Variants in ABCC5 observed in about 807,000 individuals in gnomAD.
The protein encoded by ABCC5 is ATP-binding cassette sub-family C member 5.
ABCC5 carries 61 observed loss-of-function variants against 160.9 expected under a neutral mutation model. The observed-to-expected ratio is 0.38, with a 90% confidence interval of 0.31 to 0.47. ABCC5 has a LOEUF of 0.47. ABCC5 is among the 20% of genes least tolerant of loss of function. The probability of loss-of-function intolerance (pLI) is 0.99; values close to 1 mark genes in which losing one functional copy is unlikely to be tolerated. For synonymous variants in ABCC5, 666 were observed against 700.6 expected (o/e 0.95, Z 0.78); for missense variants, 1,308 against 1,813.3 (o/e 0.72, Z 5.06).
chr3:183,991,316 A>C (rs1349483783), intron 2 of ABCC5, among the ~76,000 whole-genome samples: 1 of 151,638 alleles, frequency 6.6e-6, no homozygotes, highest in Admixed American at 6.6e-5. Flanking sequence ...GAAAAAAAAA[A>C]CAAAAAACAA....
At chr3:183,945,093 G>C (rs1026144235) in intron 24 of ABCC5, among the ~76,000 whole-genome samples, 1 of 152,170 alleles carries the variant, frequency 6.6e-6, no homozygotes, top group Non-Finnish European at 1.5e-5. Flanking sequence ...CGCTATGATT[G>C]TAAGTTTCCT....
intron 26 of ABCC5, among the ~76,000 whole-genome samples, chr3:183,935,670 C>T (rs745414092): frequency 5.2e-4 from 79 of 150,636 alleles, no homozygotes; most frequent in South Asian, 1.5e-3. Context: ...GGCCACCACA[C>T]CTGGCTAATT....
At chr3:183,973,049 C>CTTTTTTT (rs11289102) in intron 10 of ABCC5, among the ~76,000 whole-genome samples, 1 of 108,384 alleles carries the variant, frequency 9.2e-6, no homozygotes, top group Non-Finnish European at 1.8e-5. Context: ...TTTGAATCCA[C>CTTTTTTT]TTTTTTTTTT....
chr3:183,974,984 A>C lies in ABCC5; in HGVS notation c.1404+2533T>G, dbSNP rs142202597. Among the ~76,000 whole-genome samples, 13 of 152,344 alleles carry C rather than the reference A, an allele frequency of 8.5e-5. No homozygotes were observed. In the East Asian group the frequency reaches 2.5e-3, roughly 29 times the overall value. On this transcript the variant is annotated intron_variant, in intron 10 of 29. Transcript: ENST00000334444. ...TGATGTAAAACAAGACACAGGGTGA[A>C]AAGCAGGGCTCTGCAACATCGTCAG... is the stretch of plus-strand genomic sequence containing the variant.
At chr3:183,974,652 A>T (rs1004643824) in intron 10 of ABCC5, among the ~76,000 whole-genome samples, 1 of 152,208 alleles carries the variant, frequency 6.6e-6, no homozygotes, top group Non-Finnish European at 1.5e-5. Context: ...ATTTTTCAGT[A>T]TAAGTATATT....
intron 2 of ABCC5, among the ~76,000 whole-genome samples, chr3:184,008,502 T>A (rs1227478848): frequency 1.3e-5 from 2 of 152,218 alleles, no homozygotes; most frequent in Non-Finnish European, 2.9e-5. Flanking sequence ...ACCACTTTAT[T>A]AACACTTCAG....
intron 29 of ABCC5, among the ~76,000 whole-genome samples, chr3:183,923,551 A>G (rs1001273466): frequency 2.6e-5 from 4 of 152,152 alleles, no homozygotes; most frequent in Non-Finnish European, 4.4e-5. Flanking sequence ...TGAACCCCGG[A>G]GGCGAAGGTT....
Position 183,921,140 on chromosome 3 carries a change from A to G in ABCC5, c.*160T>C. 1 of 500,308 alleles carries G rather than the reference A, an allele frequency of 2.0e-6. No individual in the cohort carries two copies. Among genetic ancestry groups the G allele is most frequent in the East Asian group, 3.3e-5 (1 of 30,606 alleles). 31.0% of individuals were successfully genotyped at this position (500,308 alleles called of 1,614,324 possible). A position where few individuals can be genotyped will look rare whatever the true frequency, so the allele number is the denominator to read the frequency against. Reference sequence around the variant, plus strand: ...GAATAAATACAATAATCAAAATATGACTCTCCCTAAAAGTGAAACACACAA... The same window carrying G: ...GAATAAATACAATAATCAAAATATGGCTCTCCCTAAAAGTGAAACACACAA... On this transcript the variant is annotated 3_prime_UTR_variant, in exon 30 of 30. Coordinates refer to ENST00000334444, the MANE Select transcript of ABCC5 (RefSeq NM_005688.4). The surrounding 1 kb of genome is among the most constrained non-coding windows in gnomAD (Gnocchi z 4.1).
At chr3:184,010,177 G>A (rs1721596478) in intron 2 of ABCC5, among the ~76,000 whole-genome samples, 1 of 145,030 alleles carries the variant, frequency 6.9e-6, no homozygotes, top group South Asian at 2.2e-4. Context: ...TGAGGCAGGA[G>A]AATTGCTTGA....
intron 26 of ABCC5, among the ~76,000 whole-genome samples, chr3:183,929,580 T>C (rs985077209): frequency 3.9e-5 from 6 of 152,074 alleles, no homozygotes; most frequent in Non-Finnish European, 7.4e-5. Context: ...GGAAAGAAAC[T>C]GATCCAGTAG....
intron 29 of ABCC5, among the ~76,000 whole-genome samples, chr3:183,922,209 T>A (rs1440959288): frequency 6.6e-6 from 1 of 151,358 alleles, no homozygotes; most frequent in East Asian, 2.0e-4. Flanking sequence ...CTGTCTCTAG[T>A]GAAAATACAA....
intron 26 of ABCC5, among the ~76,000 whole-genome samples, chr3:183,935,147 G>A (rs1713568717): frequency 6.6e-6 from 1 of 151,990 alleles, no homozygotes; most frequent in African/African-American, 2.4e-5. Context: ...CCAAAGTGCT[G>A]GGATTACAGG....
chr3:184,011,151 GC>G (rs1721707425), intron 2 of ABCC5: 1 of 152,142 alleles, frequency 6.6e-6, no homozygotes, highest in Admixed American at 6.6e-5. Context: ...TTCTAGAAAC[GC>G]CTTTCCTCCA....
Position 183,987,178 on chromosome 3 carries a change from A to G in ABCC5, c.591+592T>C, listed in dbSNP as rs1158771753. On this transcript the variant is annotated intron_variant, in intron 5 of 29. Coordinates refer to ENST00000334444, the MANE Select transcript of ABCC5 (RefSeq NM_005688.4). This position sits in a 1 kb window ranked among gnomAD's most constrained non-coding sequence, Gnocchi z 4.2. ...AACAGGTGCCCAGGAAACAGAGTGA[A>G]CGTCAAAGGCTCTCTTGTCTACTCT... The G allele has an allele frequency of 6.2e-6, 1 of 162,116 alleles. No individual in the cohort carries two copies. The highest frequency in any genetic ancestry group is 5.8e-5 in the Admixed American group (1 of 17,352). The allele number at this position is 162,116 out of a possible 1,614,324, so 10.0% of individuals were successfully genotyped here.
At chr3:183,971,234 C>T (rs1368175470) in intron 11 of ABCC5, among the ~76,000 whole-genome samples, 2 of 152,244 alleles carry the variant, frequency 1.3e-5, no homozygotes, top group African/African-American at 4.8e-5. Context: ...AGGGCGCTCA[C>T]AGACTTGTAA....
At chr3:183,935,220 G>A (rs140356262) in intron 26 of ABCC5, among the ~76,000 whole-genome samples, 2,597 of 150,648 alleles carry the variant, frequency 0.017, 24 homozygotes, top group Non-Finnish European at 0.024. Flanking sequence ...TCGCTCTGTC[G>A]TCCAGGCTGG....
At chr3:183,942,642 A>G (rs1714480546) in intron 25 of ABCC5, 85 bp downstream of exon 25, 1 of 1,527,090 alleles carries the variant, frequency 6.5e-7, no homozygotes, top group African/African-American at 1.4e-5. Context: ...TCAAACAAAC[A>G]AGGATCCGGT....
chr3:183,934,788 A>AT (rs1713526906), intron 26 of ABCC5, among the ~76,000 whole-genome samples: 1 of 152,106 alleles, frequency 6.6e-6, no homozygotes, highest in Non-Finnish European at 1.5e-5. Flanking sequence ...AAGTGCTGGG[A>AT]TTATAGGCAT....
In ABCC5 at chr3:183,949,274, A is replaced by G. The variant is rs1199332730; in HGVS notation, c.3227+479T>C. Among the ~76,000 whole-genome samples the G allele has an allele frequency of 6.6e-6, 1 of 152,272 alleles. No individual in the cohort carries two copies. Among genetic ancestry groups the G allele is most frequent in the African/African-American group, 2.4e-5 (1 of 41,478 alleles). On this transcript the variant is annotated intron_variant, in intron 22 of 29. Coordinates refer to ENST00000334444, the MANE Select transcript of ABCC5 (RefSeq NM_005688.4). This position sits in a 1 kb window ranked among gnomAD's most constrained non-coding sequence, Gnocchi z 4.2. ...ATGACAATGCACATAAGTTTCACAA[A>G]TAAACAATACTCGATGCTTAAATAA...
Sources: allele counts gnomAD v4.1 joint callset (sites outside exome capture counted in the v4.1 genomes callset), GRCh38; gene constraint gnomAD v4.1.1; non-coding constraint Gnocchi (gnomAD v3.1); transcripts MANE v1.5; gene names NCBI Gene and HGNC (gene_info 2026-07-23, HGNC 2026-07-21).